FSHR: variants seen among roughly 807,000 people sequenced by gnomAD.
FSHR encodes follicle-stimulating hormone receptor.
In FSHR, 46 loss-of-function variants were observed where a neutral mutation model predicts 52.1. The ratio of observed to expected loss-of-function variants is 0.88; its 90% CI spans 0.70 to 1.13. The LOEUF (loss-of-function observed/expected upper bound fraction) is 1.13, where lower values mean the gene tolerates loss of function less well. FSHR is among the 50% of genes most tolerant of loss of function. FSHR has a pLI of 0.00. For missense variants in FSHR, 964 were observed against 834.6 expected, an observed-to-expected ratio of 1.16 and a Z score of -1.91; for synonymous variants, 399 against 309.6, an observed-to-expected ratio of 1.29 and a Z score of -3.03.
chr2:49,016,568 A>C lies in FSHR; in HGVS notation c.374+921T>G, dbSNP rs542706366. 1.5e-4 allele frequency among the ~76,000 whole-genome samples: 23 copies of C among 152,294 alleles called. 1 individual carries two copies. The highest frequency in any genetic ancestry group is 1.4e-3 in the Admixed American group (21 of 15,284). ...CAATTGAGGCCATCCAGAGTGGCCA[A>C]CATCCAGTTGATCTGCCAATTAACA... On this transcript the variant is annotated intron_variant, in intron 4 of 9. Coordinates refer to ENST00000406846, the MANE Select transcript of FSHR (RefSeq NM_000145.4).
intron 3 of FSHR, among the ~76,000 whole-genome samples, chr2:49,019,040 T>G (rs1414836008): frequency 6.6e-6 from 1 of 152,244 alleles, no homozygotes; most frequent in Non-Finnish European, 1.5e-5. Context: ...CTTCTTCATC[T>G]GTAAAATTAG....
intron 4 of FSHR, among the ~76,000 whole-genome samples, chr2:49,008,307 G>A (rs1021785985): frequency 7.1e-6 from 1 of 140,420 alleles, no homozygotes; most frequent in Non-Finnish European, 1.5e-5. Context: ...ATAGTTTACT[G>A]AGAATGATGG....
At chr2:49,025,617 A>G (rs1186685840) in intron 2 of FSHR, among the ~76,000 whole-genome samples, 3 of 152,186 alleles carry the variant, frequency 2.0e-5, no homozygotes, top group Non-Finnish European at 4.4e-5. Context: ...AGAAAATTTC[A>G]TAAAACTCTC....
At chr2:49,095,565 G>C (rs1670794639) in intron 1 of FSHR, among the ~76,000 whole-genome samples, 2 of 152,144 alleles carry the variant, frequency 1.3e-5, no homozygotes, top group South Asian at 4.1e-4. Context: ...CCTTGGATTA[G>C]TCAATTGTTT....
At chr2:49,100,577 G>T (rs1670989403) in intron 1 of FSHR, among the ~76,000 whole-genome samples, 1 of 152,148 alleles carries the variant, frequency 6.6e-6, no homozygotes, top group Non-Finnish European at 1.5e-5. Flanking sequence ...ACCTGGATGA[G>T]ATGCATGCAT....
chr2:49,020,008 G>A, intron 3 of FSHR, 78 bp downstream of exon 3: 1 of 1,215,642 alleles, frequency 8.2e-7, no homozygotes, highest in Non-Finnish European at 1.2e-6. Context: ...CAGAATCAGG[G>A]CCTCCCAGGA....
chr2:49,074,451 T>G (rs1338614179), intron 1 of FSHR, among the ~76,000 whole-genome samples: 1 of 151,992 alleles, frequency 6.6e-6, no homozygotes, highest in East Asian at 1.9e-4. Flanking sequence ...AAATTCAAAT[T>G]AAAACCACAA....
intron 4 of FSHR, among the ~76,000 whole-genome samples, chr2:49,005,115 A>G (rs1460084193): frequency 6.6e-6 from 1 of 152,110 alleles, no homozygotes; most frequent in Non-Finnish European, 1.5e-5. Flanking sequence ...ATATAAATTG[A>G]TGGATCAAGT....
chr2:49,020,512 T>C (rs1243715214), intron 2 of FSHR, among the ~76,000 whole-genome samples: 1 of 152,036 alleles, frequency 6.6e-6, no homozygotes, highest in African/African-American at 2.4e-5. Flanking sequence ...TAAACATTTT[T>C]TTTTTTTTTT....
intron 4 of FSHR, among the ~76,000 whole-genome samples, chr2:49,006,380 T>G (rs1667077433): frequency 6.6e-6 from 1 of 152,068 alleles, no homozygotes; most frequent in South Asian, 2.1e-4. Context: ...CTTAAACTTC[T>G]CTGCCTTAAT....
At chr2:49,005,515 C>A (rs2104161985) in intron 4 of FSHR, among the ~76,000 whole-genome samples, 1 of 152,206 alleles carries the variant, frequency 6.6e-6, no homozygotes, top group South Asian at 2.1e-4. Context: ...GATAGTCCTG[C>A]ATAAGATGTC....
intron 1 of FSHR, among the ~76,000 whole-genome samples, chr2:49,094,825 C>T (rs889090776): frequency 6.6e-6 from 1 of 151,640 alleles, no homozygotes; most frequent in African/African-American, 2.4e-5. Context: ...AATAGAAAAA[C>T]AATATAAAAA....
At chr2:49,144,090 C>G (rs1504180) in intron 1 of FSHR, among the ~76,000 whole-genome samples, 1 of 151,778 alleles carries the variant, frequency 6.6e-6, no homozygotes, top group East Asian at 1.9e-4. Flanking sequence ...GTGCCACTTA[C>G]GACTGTTGGA....
At position 49,035,070 on chromosome 2, in the gene FSHR, C is replaced by T. The variant is rs532142558; in HGVS notation, c.225-14910G>A. The stretch of plus-strand genomic sequence containing the variant: ...GGTGGCTACCCAGTGTCACATTCGA[C>T]GTGTTTCAACGTCTTTAAGCATCAA... On this transcript the variant is annotated intron_variant, in intron 2 of 9. Transcript: ENST00000406846. Among the ~76,000 whole-genome samples the T allele has an allele frequency of 2.5e-4, 38 of 152,308 alleles. No homozygotes were observed. The South Asian group carries it at 7.0e-3, about 28-fold the overall frequency.
chr2:48,965,816 T>C (rs1056826455), intron 9 of FSHR, among the ~76,000 whole-genome samples: 1 of 152,202 alleles, frequency 6.6e-6, no homozygotes, highest in Non-Finnish European at 1.5e-5. Context: ...AGTAAATAAC[T>C]TATGTCTCTG....
At chr2:49,016,991 G>A (rs187650658) in intron 4 of FSHR, among the ~76,000 whole-genome samples, 1 of 152,232 alleles carries the variant, frequency 6.6e-6, no homozygotes, top group Non-Finnish European at 1.5e-5. Context: ...TTGCTGATAG[G>A]GGCAGGCCCA....
At chr2:49,049,144 T>A (rs1041316954) in intron 2 of FSHR, among the ~76,000 whole-genome samples, 2 of 151,908 alleles carry the variant, frequency 1.3e-5, no homozygotes, top group Non-Finnish European at 2.9e-5. Context: ...GCCTTAATTG[T>A]ATCTTCACTG....
chr2:49,055,531 C>CAAAAAAAAA (rs75665223), intron 2 of FSHR, among the ~76,000 whole-genome samples: 16 of 51,144 alleles, frequency 3.1e-4, no homozygotes, highest in Non-Finnish European at 3.4e-4. Context: ...CCAGGAAGCT[C>CAAAAAAAAA]AAAAAAAAAA....
chr2:49,101,106 G>C (rs1258615728), intron 1 of FSHR, among the ~76,000 whole-genome samples: 1 of 152,164 alleles, frequency 6.6e-6, no homozygotes, highest in Non-Finnish European at 1.5e-5. Context: ...CATTGTTGGG[G>C]AAGACATTTG....
Sources: allele counts gnomAD v4.1 joint callset (sites outside exome capture counted in the v4.1 genomes callset), GRCh38; gene constraint gnomAD v4.1.1; transcripts MANE v1.5; gene names NCBI Gene and HGNC (gene_info 2026-07-23, HGNC 2026-07-21).